The following TMX2 variants were observed in gnomAD, a reference collection of about 807,000 sequenced individuals.
The protein encoded by TMX2 is thioredoxin-related transmembrane protein 2.
A neutral mutation model predicts 33.4 loss-of-function variants in TMX2; 20 were observed. The ratio of observed to expected loss-of-function variants is 0.60; its 90% confidence interval spans 0.42 to 0.87. The LOEUF (loss-of-function observed/expected upper bound fraction) is 0.87. Among genes scored for constraint, TMX2 ranks in the 40% least tolerant of loss-of-function variants. The probability of loss-of-function intolerance (pLI) is 0.00; values close to 1 mark genes in which losing one functional copy is unlikely to be tolerated. For missense variants in TMX2, 340 were observed against 370.7 expected, an observed-to-expected ratio of 0.92 and a Z score of 0.68; for synonymous variants, 166 against 140.7, an observed-to-expected ratio of 1.18 and a Z score of -1.27.
chr11:57,734,991 G>C (rs1204947993), intron 1 of TMX2, among the ~76,000 whole-genome samples: 2 of 151,218 alleles, frequency 1.3e-5, no homozygotes, highest in South Asian at 4.2e-4. Context: ...AAAGCCGGGC[G>C]TGGTGGTGGG....
At position 57,740,388 on chromosome 11, in the gene TMX2, G is replaced by C; in HGVS notation, c.*143G>C. 9.4e-7 allele frequency: 1 copy of C among 1,066,036 alleles called. No individual in the cohort carries two copies. Among genetic ancestry groups the C allele is most frequent in the South Asian group, 1.8e-5 (1 of 55,658 alleles). The allele number at this position is 1,066,036 out of a possible 1,614,324, so 66.0% of individuals were successfully genotyped here. On this transcript the variant is annotated 3_prime_UTR_variant, in exon 8 of 8. Coordinates refer to ENST00000278422, the MANE Select transcript of TMX2 (RefSeq NM_015959.4). ...GCATGCAGCTTCTGATTTTAAAGAG[G>C]CATCTAGGGAATTGTCAGGCACCCT...
intron 1 of TMX2, among the ~76,000 whole-genome samples, chr11:57,717,355 TG>T (rs1177008744): frequency 6.6e-6 from 1 of 151,982 alleles, no homozygotes; most frequent in Non-Finnish European, 1.5e-5. Flanking sequence ...GGCAGGCGGC[TG>T]GGAGATGGAG....
intron 1 of TMX2, 26 bp downstream of exon 1, chr11:57,712,833 C>T (rs1233050150): frequency 6.2e-7 from 1 of 1,612,970 alleles, no homozygotes; most frequent in African/African-American, 1.3e-5. Flanking sequence ...GTTAGTACCC[C>T]GCGACCTTGA....
chr11:57,737,530 T>C (rs750383786), intron 1 of TMX2, 78 bp from the exon 2 acceptor site: 13 of 1,222,402 alleles, frequency 1.1e-5, no homozygotes, highest in Non-Finnish European at 1.6e-5. Context: ...TGGTTTTTAT[T>C]ACATATTTAG....
intron 1 of TMX2, among the ~76,000 whole-genome samples, chr11:57,726,375 T>C (rs1947989162): frequency 6.6e-6 from 1 of 151,942 alleles, no homozygotes; most frequent in South Asian, 2.1e-4. Flanking sequence ...ATCACGCCAC[T>C]GCACTCTGGC....
At chr11:57,718,329 C>T (rs926367407) in intron 1 of TMX2, 8 of 1,553,964 alleles carry the variant, frequency 5.1e-6, no homozygotes, top group South Asian at 1.1e-5. Flanking sequence ...GCCATTATGG[C>T]GTGTGAAGTC....
chr11:57,716,736 G>T (rs1185400656), intron 1 of TMX2, among the ~76,000 whole-genome samples: 1 of 148,578 alleles, frequency 6.7e-6, no homozygotes, highest in Non-Finnish European at 1.5e-5. Context: ...CTCCCTCCCG[G>T]ACGGGGTGGC....
intron 1 of TMX2, among the ~76,000 whole-genome samples, chr11:57,713,299 C>T (rs1159912494): frequency 6.6e-6 from 1 of 152,156 alleles, no homozygotes; most frequent in Non-Finnish European, 1.5e-5. Flanking sequence ...TCTGGCCACA[C>T]TACCTGCACA....
intron 1 of TMX2, among the ~76,000 whole-genome samples, chr11:57,736,042 G>A (rs1318286467): frequency 1.3e-5 from 2 of 152,172 alleles, no homozygotes; most frequent in Non-Finnish European, 2.9e-5. Context: ...GTTGGTAAGT[G>A]AAGGAGGGGG....
At chr11:57,723,275 T>G (rs1214938839) in intron 1 of TMX2, among the ~76,000 whole-genome samples, 1 of 145,406 alleles carries the variant, frequency 6.9e-6, no homozygotes, top group East Asian at 2.0e-4. Context: ...AGGTCAGGAG[T>G]TCGAGACCAG....
chr11:57,731,125 GTTTTTTTTTTTTTTTTTT>G (rs757832822), intron 1 of TMX2, among the ~76,000 whole-genome samples: 5 of 85,820 alleles, frequency 5.8e-5, no homozygotes, highest in Non-Finnish European at 1.1e-4. Context: ...TTTGTTTTTT[GTTTTTTTTTTTTTTTTTT>G]TTTTTTTTTT....
intron 1 of TMX2, among the ~76,000 whole-genome samples, chr11:57,724,679 G>A (rs1225216113): frequency 1.3e-5 from 2 of 151,648 alleles, no homozygotes; most frequent in African/African-American, 2.4e-5. Flanking sequence ...ACTGTAAAAT[G>A]TAAGATGTTT....
intron 1 of TMX2, among the ~76,000 whole-genome samples, chr11:57,729,965 A>C (rs1948253102): frequency 6.6e-6 from 1 of 151,374 alleles, no homozygotes; most frequent in South Asian, 2.1e-4. Flanking sequence ...AAAATTAGCC[A>C]GGCATGGTGG....
intron 1 of TMX2, among the ~76,000 whole-genome samples, chr11:57,716,173 C>T (rs1472514479): frequency 1.3e-5 from 2 of 151,758 alleles, no homozygotes; most frequent in Admixed American, 6.6e-5. Context: ...GCAGAGGCGC[C>T]CCTCACCTCC....
chr11:57,713,573 A>C (rs1436356917), intron 1 of TMX2, among the ~76,000 whole-genome samples: 1 of 152,218 alleles, frequency 6.6e-6, no homozygotes, highest in African/African-American at 2.4e-5. Context: ...GTAGGGGCCA[A>C]GGAAAAGCTT....
intron 1 of TMX2, among the ~76,000 whole-genome samples, chr11:57,716,817 G>T (rs1255387763): frequency 6.7e-6 from 1 of 149,286 alleles, no homozygotes; most frequent in African/African-American, 2.5e-5. Context: ...CCTCCCGGAC[G>T]GGGCGGCTGG....
rs748572364 is a variant in TMX2 at position 57,738,665 on chromosome 11, A to T, written c.443A>T (p.Glu148Val). The T allele has an allele frequency of 2.5e-6, 4 of 1,613,580 alleles. No individual in the cohort carries two copies. In the South Asian group the frequency reaches 4.4e-5, roughly 18 times the overall value. Reference protein sequence around the residue: ...IKYFNDKTIDEELERDKRVTW... With the variant: ...IKYFNDKTIDVELERDKRVTW... ...ACTTTTCTTCCCTGTATTTGGCAGG[A>T]GGAACTAGAACGGGACAAGAGGGTC... The change falls in exon 5 of 8, where the codon GAG becomes GTG. Residue 148 changes from glutamate to valine, a missense_variant and splice_region_variant. Physicochemically the swap from Glu to Val is moderately radical, Grantham distance 121. Coordinates refer to ENST00000278422, the MANE Select transcript of TMX2 (RefSeq NM_015959.4).
chr11:57,718,217 G>A, intron 1 of TMX2: 2 of 1,424,150 alleles, frequency 1.4e-6, no homozygotes, highest in Admixed American at 1.7e-5. Context: ...AACCTTTTGT[G>A]TTGGGTCCAG....
intron 7 of TMX2, 51 bp from the exon 8 acceptor site, chr11:57,740,048 T>C: frequency 6.2e-7 from 1 of 1,612,436 alleles, no homozygotes; most frequent in South Asian, 1.1e-5. Context: ...TCCCAGGCTC[T>C]TTACTCTCCC....
Sources: allele counts gnomAD v4.1 joint callset (sites outside exome capture counted in the v4.1 genomes callset), GRCh38; gene constraint gnomAD v4.1.1; transcripts MANE v1.5; gene names NCBI Gene and HGNC (gene_info 2026-07-23, HGNC 2026-07-21).